Variants in NDRG3 observed in about 807,000 individuals in gnomAD.
NDRG3 encodes NDRG family member 3.
Under a neutral mutation model 57.2 loss-of-function variants are expected in NDRG3, and 23 were observed. That is an observed-to-expected ratio of 0.40 (90% confidence interval 0.29 to 0.57). The LOEUF is 0.57. NDRG3 is among the 20% of genes least tolerant of loss of function. NDRG3 has a pLI of 0.42. For synonymous variants in NDRG3, 132 were observed against 162.6 expected (o/e 0.81, Z 1.43); for missense variants, 384 against 457.3 (o/e 0.84, Z 1.46).
At chr20:36,713,796 C>T (rs1273613286) in intron 2 of NDRG3, among the ~76,000 whole-genome samples, 2 of 151,906 alleles carry the variant, frequency 1.3e-5, no homozygotes, top group East Asian at 1.9e-4. Flanking sequence ...GAGGAAGAAA[C>T]GAATACCAAA....
At chr20:36,722,674 T>C (rs1016138097) in intron 1 of NDRG3, among the ~76,000 whole-genome samples, 4 of 152,122 alleles carry the variant, frequency 2.6e-5, no homozygotes, top group African/African-American at 9.7e-5. Context: ...AGCTTACTAA[T>C]CCTCATTTGG....
At chr20:36,698,877 T>C (rs979533497) in intron 3 of NDRG3, among the ~76,000 whole-genome samples, 3 of 152,150 alleles carry the variant, frequency 2.0e-5, no homozygotes, top group East Asian at 1.9e-4. Flanking sequence ...ATACCACTTA[T>C]GCCAATATTT....
At chr20:36,679,231 T>C (rs1327196906) in intron 8 of NDRG3, among the ~76,000 whole-genome samples, 1 of 152,220 alleles carries the variant, frequency 6.6e-6, no homozygotes, top group African/African-American at 2.4e-5. Context: ...AGTATTGGCA[T>C]TACAGGCGTG....
chr20:36,710,610 A>G (rs1192117411), intron 2 of NDRG3, among the ~76,000 whole-genome samples: 1 of 151,834 alleles, frequency 6.6e-6, no homozygotes, highest in Non-Finnish European at 1.5e-5. Context: ...AGTTCAAGAT[A>G]GGATTGGCCA....
At chr20:36,702,885 T>G (rs544104660) in intron 3 of NDRG3, among the ~76,000 whole-genome samples, 1 of 151,948 alleles carries the variant, frequency 6.6e-6, no homozygotes, top group Non-Finnish European at 1.5e-5. Context: ...GGTTTCTCCA[T>G]GCTGGTCAGG....
chr20:36,658,253 T>C (rs180940963), intron 13 of NDRG3, among the ~76,000 whole-genome samples: 4 of 152,300 alleles, frequency 2.6e-5, no homozygotes, highest in African/African-American at 9.6e-5. Flanking sequence ...TGCCTCAGTC[T>C]CTGGAGTAGC....
chr20:36,656,286 G>T, intron 15 of NDRG3, 74 bp downstream of exon 15: 1 of 1,442,780 alleles, frequency 6.9e-7, no homozygotes, highest in Non-Finnish European at 9.6e-7. Flanking sequence ...CTCAAGAATT[G>T]TGGGCTCCCA....
intron 2 of NDRG3, among the ~76,000 whole-genome samples, chr20:36,712,572 TATATATA>T (rs1568660305): frequency 3.3e-4 from 6 of 17,922 alleles, no homozygotes; most frequent in African/African-American, 5.3e-4. Flanking sequence ...TATATATATA[TATATATA>T]TATATATATT....
chr20:36,679,926 GT>G (rs1320441822), intron 8 of NDRG3, among the ~76,000 whole-genome samples: 2 of 151,308 alleles, frequency 1.3e-5, no homozygotes, highest in African/African-American at 4.9e-5. Flanking sequence ...CCAGGTTCAA[GT>G]GATTCTCCTG....
At chr20:36,671,813 A>C (rs956717102) in intron 8 of NDRG3, among the ~76,000 whole-genome samples, 19 of 152,014 alleles carry the variant, frequency 1.2e-4, no homozygotes, top group Non-Finnish European at 2.2e-4. Context: ...AAAAAAAAAA[A>C]AAAAAACCCC....
In NDRG3 at chr20:36,653,800, C is replaced by T; in HGVS notation, c.947-99G>A. 8.9e-7 allele frequency: 1 copy of T among 1,120,976 alleles called. No homozygotes were observed. Among genetic ancestry groups the T allele is most frequent in the Non-Finnish European group, 1.3e-6 (1 of 786,998 alleles). The allele number at this position is 1,120,976 out of a possible 1,614,324, so 69.4% of individuals were successfully genotyped here. On this transcript the variant is annotated intron_variant, in intron 15 of 15. Transcript: ENST00000349004. This position sits in a 1 kb window ranked among gnomAD's most constrained non-coding sequence, Gnocchi z 4.2. Reference sequence around the variant, plus strand: ...GTCTTTATGTTTAGCTTTTCCGACTCATTTACCATGACACCCAGGACAAGA... The same window carrying T: ...GTCTTTATGTTTAGCTTTTCCGACTTATTTACCATGACACCCAGGACAAGA...
chr20:36,733,495 C>T (rs1254215833), intron 1 of NDRG3, among the ~76,000 whole-genome samples: 1 of 151,722 alleles, frequency 6.6e-6, no homozygotes, highest in African/African-American at 2.4e-5. Context: ...GAGGCCAAGG[C>T]GGGCGGATCA....
Position 36,653,498 on chromosome 20 carries a change from G to C in NDRG3, c.*22C>G. On this transcript the variant is annotated 3_prime_UTR_variant, in exon 16 of 16. Transcript: ENST00000349004. The surrounding 1 kb of genome is among the most constrained non-coding windows in gnomAD (Gnocchi z 4.2). ...GTCATTTGAAGGATGGACTTGCAAT[G>C]GTCCAGGGGAGGAGCATCTGCTTAG... 6.2e-7 allele frequency: 1 copy of C among 1,604,518 alleles called. No homozygotes were observed. Among genetic ancestry groups the C allele is most frequent in the Non-Finnish European group, 8.5e-7 (1 of 1,172,796 alleles).
chr20:36,711,385 T>G (rs1439386675), intron 2 of NDRG3, among the ~76,000 whole-genome samples: 2 of 152,122 alleles, frequency 1.3e-5, no homozygotes, highest in African/African-American at 2.4e-5. Flanking sequence ...ACAGACCATA[T>G]TAGGGCTTCA....
At chr20:36,689,462 G>A (rs1426359230) in intron 3 of NDRG3, among the ~76,000 whole-genome samples, 2 of 152,142 alleles carry the variant, frequency 1.3e-5, no homozygotes, top group African/African-American at 2.4e-5. Flanking sequence ...TAAAAAATCA[G>A]AGGTTTTGGA....
At chr20:36,674,393 G>C (rs1253548537) in intron 8 of NDRG3, among the ~76,000 whole-genome samples, 1 of 151,476 alleles carries the variant, frequency 6.6e-6, no homozygotes, top group Non-Finnish European at 1.5e-5. Flanking sequence ...AGTAGAGACA[G>C]GGTTTCTCCA....
intron 2 of NDRG3, among the ~76,000 whole-genome samples, chr20:36,709,025 T>C (rs111506610): frequency 0.019 from 2,871 of 151,966 alleles, 98 homozygotes; most frequent in African/African-American, 0.066. Flanking sequence ...GCAACAAGAG[T>C]GAAACTGTCT....
intron 8 of NDRG3, among the ~76,000 whole-genome samples, chr20:36,679,487 ACTC>A (rs1981052960): frequency 6.6e-6 from 1 of 151,390 alleles, no homozygotes; most frequent in South Asian, 2.1e-4. Context: ...ACCGTTTAGA[ACTC>A]CTGTTAAATT....
rs559902451 is a variant in NDRG3, at chr20:36,706,849, C to A, written c.93+123G>T. The stretch of plus-strand genomic sequence containing the variant: ...AAGTGAACTTGATCCAATGACCAAA[C>A]GAACATTAAGGACTCATTATTAGCT... On this transcript the variant is annotated intron_variant, in intron 3 of 15. Transcript: ENST00000349004. 4 of 780,254 alleles carry A rather than the reference C, an allele frequency of 5.1e-6. No individual in the cohort carries two copies. In the East Asian group the frequency reaches 8.0e-5, roughly 16 times the overall value. The allele number at this position is 780,254 out of a possible 1,614,324, so 48.3% of individuals were successfully genotyped here.
Sources: gnomAD v4.1 joint callset for allele counts (sites outside exome capture counted in the v4.1 genomes callset) on GRCh38, gnomAD v4.1.1 for gene constraint, Gnocchi (gnomAD v3.1) non-coding constraint, MANE v1.5 for transcripts, NCBI Gene and HGNC (gene_info 2026-07-23, HGNC 2026-07-21) for gene names.